P3R3URF: variants seen among roughly 807,000 people sequenced by gnomAD.
The protein encoded by P3R3URF is P3R3URF protein.
P3R3URF carries 6 observed loss-of-function variants against 8.0 expected under a neutral mutation model. That is an observed-to-expected ratio of 0.75 (90% confidence interval 0.41 to 1.47). The LOEUF (loss-of-function observed/expected upper bound fraction) is 1.47, where lower values mean the gene tolerates loss of function less well. Among genes scored for constraint, P3R3URF ranks in the 40% most tolerant of loss-of-function variants. The pLI is 0.01. For synonymous variants in P3R3URF, 39 were observed against 36.7 expected (o/e 1.06, Z -0.23); for missense variants, 121 against 117.3 (o/e 1.03, Z -0.14).
At position 46,175,602 on chromosome 1, in the gene P3R3URF, A is replaced by G. The variant is rs767792879; in HGVS notation, c.272T>C (p.Ile91Thr). 8.0e-5 allele frequency: 32 copies of G among 399,020 alleles called. No individual in the cohort carries two copies. Among genetic ancestry groups the G allele is most frequent in the Admixed American group, 1.8e-4 (4 of 22,746 alleles). 24.7% of individuals were successfully genotyped at this position (399,020 alleles called of 1,614,324 possible). Residue 91 changes from isoleucine (I) to threonine (T), a missense_variant, in exon 2 of 2, where the codon ATT becomes ACT. Ile to Thr is a moderately conservative substitution (Grantham distance 89). Transcript: ENST00000506599. The stretch of plus-strand genomic sequence containing the variant: ...TGGGCACTTCTAGAGGATCAGAAAA[A>G]TCCCAGGTTGCCTGAGATGTCTGAG... ...QVLRHLRQPG[I>T]FLIL
At chr1:46,175,752 G>A (rs68179532) in intron 1 of P3R3URF, 123 bp from the exon 2 acceptor site, 40,924 of 403,108 alleles carry the variant, frequency 0.1, 2,596 homozygotes, top group Admixed American at 0.18. Flanking sequence ...CATTAAGGCT[G>A]TCAGCACTTT....
chr1:46,176,071 T>G (rs1273633339), intron 1 of P3R3URF, among the ~76,000 whole-genome samples, 157 bp downstream of exon 1: 3 of 152,174 alleles, frequency 2.0e-5, no homozygotes, highest in Admixed American at 1.3e-4. Context: ...GAGATGGGAT[T>G]TCACCGTGTT....
At chr1:46,176,196 C>G in intron 1 of P3R3URF, 32 bp downstream of exon 1, 1 of 1,533,918 alleles carries the variant, frequency 6.5e-7, no homozygotes, top group Non-Finnish European at 8.7e-7. Context: ...TTTTTTAAAA[C>G]CCCACCCTGG....
chr1:46,176,051 A>ATT (rs747066546), intron 1 of P3R3URF, among the ~76,000 whole-genome samples, 177 bp downstream of exon 1: 1 of 151,604 alleles, frequency 6.6e-6, no homozygotes, highest in South Asian at 2.1e-4. Context: ...TTTTTTTTGT[A>ATT]TTTTTAGTAG....
intron 1 of P3R3URF, 71 bp downstream of exon 1, chr1:46,176,157 G>T: frequency 6.6e-7 from 1 of 1,513,808 alleles, no homozygotes. Flanking sequence ...TTACAGGCAT[G>T]AGCCACCGCA....
At chr1:46,175,753 T>A in intron 1 of P3R3URF, 124 bp from the exon 2 acceptor site, 1 of 403,790 alleles carries the variant, frequency 2.5e-6, no homozygotes, top group Non-Finnish European at 4.4e-6. Flanking sequence ...ATTAAGGCTG[T>A]CAGCACTTTG....
At chr1:46,175,919 C>T (rs1413616338) in intron 1 of P3R3URF, 2 of 451,782 alleles carry the variant, frequency 4.4e-6, no homozygotes, top group Non-Finnish European at 7.8e-6. Flanking sequence ...GTCACCCAGG[C>T]TGGAGTGCAG....
chr1:46,175,514 C>T lies in P3R3URF; in HGVS notation c.*72G>A. ...GAGCAGAATGACTGTATTTGTTGTT[C>T]ACCACCCACACGGCCCCTAGGAGAT... On this transcript the variant is annotated 3_prime_UTR_variant, in exon 2 of 2. Transcript: ENST00000506599. 1 of 398,752 alleles carries T rather than the reference C, an allele frequency of 2.5e-6. No individual in the cohort carries two copies. Among genetic ancestry groups the T allele is most frequent in the Admixed American group, 4.4e-5 (1 of 22,724 alleles). 24.7% of individuals were successfully genotyped at this position (398,752 alleles called of 1,614,324 possible).
chr1:46,176,122 G>C lies in P3R3URF; in HGVS notation c.244+106C>G, dbSNP rs539460433. Reference sequence around the variant, plus strand: ...GATCTCCTGACCTTGTGATCTGCCCGCCTTGGCCTCCCAAAGTGCCGGGAT... The same window carrying C: ...GATCTCCTGACCTTGTGATCTGCCCCCCTTGGCCTCCCAAAGTGCCGGGAT... On this transcript the variant is annotated intron_variant, in intron 1 of 1. Coordinates refer to ENST00000506599, the MANE Select transcript of P3R3URF (RefSeq NM_001328655.2). 1.8e-5 allele frequency: 23 copies of C among 1,273,704 alleles called. No individual in the cohort carries two copies. In the South Asian group the frequency reaches 2.2e-4, roughly 12 times the overall value. 78.9% of individuals were successfully genotyped at this position (1,273,704 alleles called of 1,614,324 possible). A position where few individuals can be genotyped will look rare whatever the true frequency, so the allele number is the denominator to read the frequency against.
intron 1 of P3R3URF, 48 bp downstream of exon 1, chr1:46,176,180 G>T: frequency 6.5e-7 from 1 of 1,532,178 alleles, no homozygotes; most frequent in Non-Finnish European, 8.7e-7. Flanking sequence ...CAGCCTAGTG[G>T]CTCTGTTTTT....
In P3R3URF at chr1:46,176,302, T is replaced by C. The variant is rs761836392; in HGVS notation, c.170A>G (p.Asn57Ser). 2.2e-5 allele frequency: 34 copies of C among 1,535,804 alleles called. No homozygotes were observed. The highest frequency in any genetic ancestry group is 3.3e-4 in the Middle Eastern group (2 of 5,990). Residue 57 changes from asparagine to serine, a missense_variant, in exon 1 of 2, where the codon AAT (asparagine) becomes AGT (serine). Physicochemically the swap from Asn to Ser is conservative, Grantham distance 46 (BLOSUM62 1). Transcript: ENST00000506599. ...GATACCCATGGCCCTGGTGGCAGGA[T>C]TGATGGCTGCACTGCTGGCAGTTCG... ...RGRTASSAAINPATRAMGINN... is the reference protein window; with the variant it reads ...RGRTASSAAISPATRAMGINN...
chr1:46,176,269 G>A lies in P3R3URF; in HGVS notation c.203C>T (p.Thr68Ile), dbSNP rs1376874285. ...CCACACTATGGTGGTGTCAGTGTGG[G>A]TGTTGTTGATACCCATGGCCCTGGT... ...PATRAMGINN[T>I]HTDTTIVWIF... The change falls in exon 1 of 2, where the codon ACC becomes ATC. Residue 68 changes from threonine to isoleucine, a missense_variant. Coordinates refer to ENST00000506599, the MANE Select transcript of P3R3URF (RefSeq NM_001328655.2). 6 of 1,535,786 alleles carry A rather than the reference G, an allele frequency of 3.9e-6. No homozygotes were observed. The highest frequency in any genetic ancestry group is 5.2e-6 in the Non-Finnish European group (6 of 1,146,906).
Position 46,176,393 on chromosome 1 carries a change from G to A in P3R3URF, c.79C>T (p.Pro27Ser), listed in dbSNP as rs1488831953. 3.9e-6 allele frequency: 6 copies of A among 1,535,760 alleles called. No individual in the cohort carries two copies. The highest frequency in any genetic ancestry group is 4.4e-6 in the Non-Finnish European group (5 of 1,146,924). Residue 27 changes from proline to serine, a missense_variant, in exon 1 of 2, where the codon CCC becomes TCC. Coordinates refer to ENST00000506599, the MANE Select transcript of P3R3URF (RefSeq NM_001328655.2). ...SPYRRPGMGW[P>S]RPRFPRMFKC... is the part of the protein sequence containing the mutation. ...AACATCCTGGGAAATCGGGGCCTGG[G>A]CCAGCCCATACCTGGCCTGCGGTAG...
chr1:46,175,876 T>G (rs1484117837), intron 1 of P3R3URF: 3 of 401,264 alleles, frequency 7.5e-6, no homozygotes, highest in African/African-American at 2.1e-5. Context: ...GCTCTGGTTT[T>G]TTTTTTTTTT....
At chr1:46,176,164 C>G (rs555541930) in intron 1 of P3R3URF, 64 bp downstream of exon 1, 5 of 1,519,714 alleles carry the variant, frequency 3.3e-6, no homozygotes, top group East Asian at 2.5e-5. Flanking sequence ...CATGAGCCAC[C>G]GCACCCAGCC....
intron 1 of P3R3URF, chr1:46,175,940 T>G: frequency 2.0e-6 from 1 of 495,344 alleles, no homozygotes; most frequent in Non-Finnish European, 3.6e-6. Flanking sequence ...TGGCGCGATC[T>G]TGGCTCACTG....
At chr1:46,176,051 A>AT (rs747066546) in intron 1 of P3R3URF, among the ~76,000 whole-genome samples, 177 bp downstream of exon 1, 1 of 151,604 alleles carries the variant, frequency 6.6e-6, no homozygotes, top group South Asian at 2.1e-4. Context: ...TTTTTTTTGT[A>AT]TTTTTAGTAG....
chr1:46,175,497 T>G lies in P3R3URF; in HGVS notation c.*89A>C, dbSNP rs576254167. 2.5e-6 allele frequency: 1 copy of G among 398,460 alleles called. No individual in the cohort carries two copies. The highest frequency in any genetic ancestry group is 4.4e-6 in the Non-Finnish European group (1 of 226,094). The allele number at this position is 398,460 out of a possible 1,614,324, so 24.7% of individuals were successfully genotyped here. ...GTGGAATAAGGCAGTTTGAGCAGAA[T>G]GACTGTATTTGTTGTTCACCACCCA... On this transcript the variant is annotated 3_prime_UTR_variant, in exon 2 of 2. Coordinates refer to ENST00000506599, the MANE Select transcript of P3R3URF (RefSeq NM_001328655.2).
Position 46,176,445 on chromosome 1 carries a change from G to T in P3R3URF, c.27C>A (p.Gly9=). The change falls in exon 1 of 2, where the codon GGC becomes GGA. Residue 9 remains glycine, a synonymous_variant. Transcript: ENST00000506599. The stretch of plus-strand genomic sequence containing the variant: ...GGGAACGCATGCCCTGGGGCCGAGG[G>T]CCACGGACAAGCCGAGATGGCCCCA... The part of the protein sequence containing the change: MGPSRLVR[G]PRPQGMRSPY... 6.5e-7 allele frequency: 1 copy of T among 1,535,756 alleles called. No homozygotes were observed. Among genetic ancestry groups the T allele is most frequent in the Non-Finnish European group, 8.7e-7 (1 of 1,146,914 alleles).
Sources: gnomAD v4.1 joint callset for allele counts (sites outside exome capture counted in the v4.1 genomes callset) on GRCh38, gnomAD v4.1.1 for gene constraint, MANE v1.5 for transcripts, NCBI Gene and HGNC (gene_info 2026-07-23, HGNC 2026-07-21) for gene names.